RPTOR: variants seen among roughly 807,000 people sequenced by gnomAD.
The protein encoded by RPTOR is regulatory associated protein of MTOR complex 1.
In RPTOR, 21 loss-of-function variants were observed where a neutral mutation model predicts 169.9. That is an observed-to-expected ratio of 0.12 (90% CI 0.09 to 0.18). The LOEUF is 0.18. Among genes scored for constraint, RPTOR ranks in the 10% least tolerant of loss-of-function variants. The pLI is 1.00. For missense variants in RPTOR, 1,133 were observed against 1,855.9 expected (o/e 0.61, Z 7.16); for synonymous variants, 732 against 753.2 (o/e 0.97, Z 0.46).
At position 80,820,019 on chromosome 17, in the gene RPTOR, C is replaced by A. The variant is rs2067363323; in HGVS notation, c.891-2182C>A. ...TGAGGCTTGGGGACGGTCCTCTGCC[C>A]TCATAGTTTGACTAACTCCAGATAT... On this transcript the variant is annotated intron_variant, in intron 7 of 33. Transcript: ENST00000306801. The surrounding 1 kb of genome is among the most constrained non-coding windows in gnomAD (Gnocchi z 4.1). Among the ~76,000 whole-genome samples, 1 of 152,164 alleles carries A rather than the reference C, an allele frequency of 6.6e-6. No individual in the cohort carries two copies. Among genetic ancestry groups the A allele is most frequent in the Admixed American group, 6.5e-5 (1 of 15,282 alleles).
chr17:80,844,340 T>C lies in RPTOR; in HGVS notation c.1213-2133T>C, dbSNP rs759706379. On this transcript the variant is annotated intron_variant, in intron 10 of 33. Transcript: ENST00000306801. The surrounding 1 kb of genome is among the most constrained non-coding windows in gnomAD (Gnocchi z 4.7). The stretch of plus-strand genomic sequence containing the variant: ...GGAATTTTTCTCTTTCTGCATGGAG[T>C]AGTGACTCCAGCAGTGAGGAACATG... Among the ~76,000 whole-genome samples, 1 of 151,912 alleles carries C rather than the reference T, an allele frequency of 6.6e-6. No homozygotes were observed. The highest frequency in any genetic ancestry group is 1.5e-5 in the Non-Finnish European group (1 of 67,972).
At chr17:80,894,212 T>C (rs2068370244) in intron 20 of RPTOR, among the ~76,000 whole-genome samples, 2 of 152,104 alleles carry the variant, frequency 1.3e-5, no homozygotes, top group South Asian at 4.1e-4. Context: ...AGAACGGTGG[T>C]TCTCAGCCGG....
chr17:80,868,250 C>G (rs2143790096), intron 13 of RPTOR, among the ~76,000 whole-genome samples: 1 of 152,248 alleles, frequency 6.6e-6, no homozygotes, highest in South Asian at 2.1e-4. Flanking sequence ...CAAACACAAG[C>G]AGACAAAGAA....
At chr17:80,608,696 G>C (rs2065246145) in intron 1 of RPTOR, among the ~76,000 whole-genome samples, 1 of 152,182 alleles carries the variant, frequency 6.6e-6, no homozygotes, top group Non-Finnish European at 1.5e-5. Flanking sequence ...GCTGAGTCCA[G>C]CATGTTCGGG....
intron 5 of RPTOR, chr17:80,743,464 A>G (rs2066505262): frequency 2.0e-6 from 2 of 985,436 alleles, no homozygotes; most frequent in Non-Finnish European, 2.4e-6. Flanking sequence ...GCAGGAGAAC[A>G]CGTGACCCAC....
rs1044867191 is a variant in RPTOR at position 80,844,295 on chromosome 17, C to G, written c.1213-2178C>G. On this transcript the variant is annotated intron_variant, in intron 10 of 33. Coordinates refer to ENST00000306801, the MANE Select transcript of RPTOR (RefSeq NM_020761.3). The surrounding 1 kb of genome is among the most constrained non-coding windows in gnomAD (Gnocchi z 4.7). ...CAAAGGTGTGCTTTTCCTTTTTTGT[C>G]AGTTTGAGGTGAATAGTCAGGAATT... 6.6e-6 allele frequency among the ~76,000 whole-genome samples: 1 copy of G among 152,162 alleles called. No individual in the cohort carries two copies. Among genetic ancestry groups the G allele is most frequent in the Admixed American group, 6.5e-5 (1 of 15,280 alleles).
At chr17:80,822,331 A>G in intron 8 of RPTOR, 30 bp downstream of exon 8, 1 of 1,606,616 alleles carries the variant, frequency 6.2e-7, no homozygotes, top group South Asian at 1.1e-5. Flanking sequence ...TTGGGGAGGG[A>G]GGCTATGGCC....
At chr17:80,698,711 A>G (rs1422963053) in intron 3 of RPTOR, among the ~76,000 whole-genome samples, 1 of 152,240 alleles carries the variant, frequency 6.6e-6, no homozygotes, top group African/African-American at 2.4e-5. Flanking sequence ...GAACAAAGGA[A>G]ATGTCTTTTA....
chr17:80,755,729 A>G (rs1175185761), intron 6 of RPTOR, among the ~76,000 whole-genome samples: 1 of 132,664 alleles, frequency 7.5e-6, no homozygotes, highest in African/African-American at 2.8e-5. Context: ...ACGGAGCAAG[A>G]CCCTGTCTCA....
At position 80,885,094 on chromosome 17, in the gene RPTOR, C is replaced by T. The variant is rs1019652676; in HGVS notation, c.1929C>T (p.Asn643=). The change falls in exon 17 of 34, where the codon AAC becomes AAT. Residue 643 remains asparagine (N), a synonymous_variant. Coordinates refer to ENST00000306801, the MANE Select transcript of RPTOR (RefSeq NM_020761.3). Reference sequence around the variant, plus strand: ...ACCACTCCACCACCATCGACCACAACGTGGCCATGATGCTGGCCCAGCTGG... The same window carrying T: ...ACCACTCCACCACCATCGACCACAATGTGGCCATGATGCTGGCCCAGCTGG... ...RTDHSTTIDH[N]VAMMLAQLVS... 4.4e-6 allele frequency: 7 copies of T among 1,592,664 alleles called. No individual in the cohort carries two copies. Among genetic ancestry groups the T allele is most frequent in the Admixed American group, 1.8e-5 (1 of 56,152 alleles).
chr17:80,808,517 T>C (rs554053812), intron 7 of RPTOR, among the ~76,000 whole-genome samples: 11 of 152,356 alleles, frequency 7.2e-5, no homozygotes, highest in African/African-American at 2.4e-4. Context: ...ATTTCTCCTT[T>C]GTTTTCACGT....
Position 80,947,466 on chromosome 17 carries a change from C to A in RPTOR, c.3265+115C>A. ...TGTCTTACAGAAAGCCCTGCTCACA[C>A]GCGAGGGCCACTGTCATTCAGAAGT... On this transcript the variant is annotated intron_variant, in intron 27 of 33. Transcript: ENST00000306801. This position sits in a 1 kb window ranked among gnomAD's most constrained non-coding sequence, Gnocchi z 4.4. The A allele has an allele frequency of 7.7e-7, 1 of 1,297,556 alleles. No individual in the cohort carries two copies. The highest frequency in any genetic ancestry group is 1.0e-6 in the Non-Finnish European group (1 of 1,000,264). The allele number at this position is 1,297,556 out of a possible 1,614,324, so 80.4% of individuals were successfully genotyped here. A position where few individuals can be genotyped will look rare whatever the true frequency, so the allele number is the denominator to read the frequency against.
chr17:80,580,568 T>C (rs961299202), intron 1 of RPTOR, among the ~76,000 whole-genome samples: 2 of 152,224 alleles, frequency 1.3e-5, no homozygotes, highest in Admixed American at 6.5e-5. Context: ...TGTTTAATTG[T>C]TTATGCCCTT....
At chr17:80,771,402 A>C (rs2066841669) in intron 6 of RPTOR, among the ~76,000 whole-genome samples, 1 of 152,176 alleles carries the variant, frequency 6.6e-6, no homozygotes, top group African/African-American at 2.4e-5. Flanking sequence ...CCACCCCAGC[A>C]AGAGGGCACT....
chr17:80,907,638 C>T (rs902397429), intron 20 of RPTOR, among the ~76,000 whole-genome samples: 1 of 151,928 alleles, frequency 6.6e-6, no homozygotes, highest in African/African-American at 2.4e-5. Flanking sequence ...CCCGTGCCTG[C>T]CCCCCCTTCT....
chr17:80,955,575 A>G (rs1451250051), intron 28 of RPTOR, among the ~76,000 whole-genome samples: 3 of 152,276 alleles, frequency 2.0e-5, no homozygotes, highest in Non-Finnish European at 4.4e-5. Flanking sequence ...CATGACCACA[A>G]GAAAAATGTC....
At chr17:80,546,411 G>T (rs1437629206) in intron 1 of RPTOR, among the ~76,000 whole-genome samples, 1 of 152,142 alleles carries the variant, frequency 6.6e-6, no homozygotes, top group African/African-American at 2.4e-5. Context: ...ATGAGGCGTC[G>T]AGACTTGGGT....
intron 9 of RPTOR, among the ~76,000 whole-genome samples, chr17:80,831,636 CAG>C (rs1442546322): frequency 2.0e-5 from 3 of 152,234 alleles, no homozygotes; most frequent in Non-Finnish European, 4.4e-5. Flanking sequence ...TCTCTGATGA[CAG>C]TGAACTTCCA....
At chr17:80,962,336 T>A (rs2069354536) in intron 31 of RPTOR, 125 bp from the exon 32 acceptor site, 1 of 764,562 alleles carries the variant, frequency 1.3e-6, no homozygotes. Flanking sequence ...TCCAGGCAGC[T>A]TTTTCCTTGA....
Sources: allele counts gnomAD v4.1 joint callset (sites outside exome capture counted in the v4.1 genomes callset), GRCh38; gene constraint gnomAD v4.1.1; non-coding constraint Gnocchi (gnomAD v3.1); transcripts MANE v1.5; gene names NCBI Gene and HGNC (gene_info 2026-07-23, HGNC 2026-07-21).